RUNDC3A: variants seen among roughly 807,000 people sequenced by gnomAD.
RUNDC3A encodes the protein RUN domain-containing protein 3A.
A neutral mutation model predicts 53.9 loss-of-function variants in RUNDC3A; 28 were observed. The observed-to-expected ratio is 0.52, with a 90% CI of 0.38 to 0.71. The LOEUF is 0.71. RUNDC3A is among the 30% of genes least tolerant of loss of function. RUNDC3A has a pLI of 0.00. For missense variants in RUNDC3A, 491 were observed against 597.3 expected (o/e 0.82, Z 1.85); for synonymous variants, 232 against 249.4 (o/e 0.93, Z 0.66).
rs373038832 is a variant in RUNDC3A at position 44,315,016 on chromosome 17, G to A, written c.629+7G>A. 3.1e-6 allele frequency: 5 copies of A among 1,613,694 alleles called. No homozygotes were observed. The Admixed American group carries it at 5.0e-5, about 16-fold the overall frequency. ...ACCTAAAGTTCACGCAGAGGTGAGCGGCTCCATGACTGCGGCGGGGCGGGG... is the reference window on the plus strand; with the variant it reads ...ACCTAAAGTTCACGCAGAGGTGAGCAGCTCCATGACTGCGGCGGGGCGGGG... On this transcript the variant is annotated splice_region_variant and intron_variant, in intron 6 of 10. Coordinates refer to ENST00000426726, the MANE Select transcript of RUNDC3A (RefSeq NM_001144825.2). The surrounding 1 kb of genome is among the most constrained non-coding windows in gnomAD (Gnocchi z 6.1).
intron 9 of RUNDC3A, 36 bp downstream of exon 9, chr17:44,316,558 C>A (rs1228045841): frequency 6.3e-7 from 1 of 1,594,702 alleles, no homozygotes; most frequent in Non-Finnish European, 8.5e-7. Flanking sequence ...GGCCTGAGAG[C>A]GGGTCGTCCT....
chr17:44,314,128 C>T, intron 4 of RUNDC3A: 1 of 993,268 alleles, frequency 1.0e-6, no homozygotes, highest in Non-Finnish European at 1.2e-6. Flanking sequence ...TGATCTACAA[C>T]ACAGCCCTTC....
At chr17:44,317,394 C>A (rs1000737370) in intron 10 of RUNDC3A, 1 of 771,312 alleles carries the variant, frequency 1.3e-6, no homozygotes, top group African/African-American at 1.7e-5. Flanking sequence ...CACAAACTCT[C>A]GGGGAACTCC....
rs117224935 is a variant in RUNDC3A at position 44,317,920 on chromosome 17, C to T, written c.1199-176C>T. On this transcript the variant is annotated intron_variant, in intron 10 of 10. Coordinates refer to ENST00000426726, the MANE Select transcript of RUNDC3A (RefSeq NM_001144825.2). The stretch of plus-strand genomic sequence containing the variant: ...CGATTACAATACAGTGTCCCCAGCA[C>T]GGTGCCTGGCACAGGCAGGTGCTTA... 7.8e-3 allele frequency: 4,828 copies of T among 622,946 alleles called. 50 individuals are homozygous for T. The highest frequency in any genetic ancestry group is 8.3e-3 in the Non-Finnish European group (2,901 of 351,488). 38.6% of individuals were successfully genotyped at this position (622,946 alleles called of 1,614,324 possible).
rs1188086827 is a variant in RUNDC3A at position 44,313,423 on chromosome 17, G to A, written c.378G>A (p.Arg126=). 1.2e-6 allele frequency: 2 copies of A among 1,613,824 alleles called. No individual in the cohort carries two copies. The highest frequency in any genetic ancestry group is 1.7e-6 in the Non-Finnish European group (2 of 1,179,874). The change falls in exon 4 of 11, where the codon CGG becomes CGA. Residue 126 remains arginine, a synonymous_variant. Transcript: ENST00000426726. ...ENISTARAKG[R]AWIRVALMEK... ...AAGGTGAACATGATTTCCAGGGCCG[G>A]GCATGGATCCGGGTGGCACTGATGG...
intron 10 of RUNDC3A, chr17:44,317,842 A>T: frequency 1.7e-6 from 1 of 592,376 alleles, no homozygotes; most frequent in Non-Finnish European, 3.0e-6. Context: ...TGTATTTAAT[A>T]AATGGACAAA....
At chr17:44,310,716 A>T in intron 1 of RUNDC3A, 1 of 985,414 alleles carries the variant, frequency 1.0e-6, no homozygotes, top group Non-Finnish European at 1.2e-6. Context: ...CAGGGAGCAC[A>T]CCACAGGGCT....
Position 44,318,153 on chromosome 17 carries a change from G to C in RUNDC3A, c.1256G>C (p.Ser419Thr). ...GLCGSLASIP[S>T]CKSLASFKSN... ...TGCGGCTCCCTGGCCTCCATTCCCA[G>C]CTGCAAGTCCCTGGCGAGCTTCAAA... is the stretch of plus-strand genomic sequence containing the variant. Residue 419 changes from serine (S) to threonine (T), a missense_variant, in exon 11 of 11, where the codon AGC becomes ACC. Ser to Thr is a moderately conservative substitution (Grantham distance 58, BLOSUM62 1). Around this residue, in one of 2 missense-constraint regions of RUNDC3A, gnomAD observed 218 missense variants for 208.2 expected, o/e 1.05. Transcript: ENST00000426726. 6.4e-7 allele frequency: 1 copy of C among 1,551,542 alleles called. No homozygotes were observed. The highest frequency in any genetic ancestry group is 8.7e-7 in the Non-Finnish European group (1 of 1,146,988).
At chr17:44,314,520 G>A (rs1377546296) in intron 4 of RUNDC3A, 1 of 1,421,868 alleles carries the variant, frequency 7.0e-7, no homozygotes, top group Non-Finnish European at 9.2e-7. Flanking sequence ...TCAGAGGGAG[G>A]AGTCGGCTCA....
At position 44,312,792 on chromosome 17, in the gene RUNDC3A, C is replaced by T. The variant is rs528129315; in HGVS notation, c.223+97C>T. 2.3e-5 allele frequency: 14 copies of T among 604,960 alleles called. No homozygotes were observed. In the South Asian group the frequency reaches 2.7e-4, roughly 12 times the overall value. 37.5% of individuals were successfully genotyped at this position (604,960 alleles called of 1,614,324 possible). A position where few individuals can be genotyped will look rare whatever the true frequency, so the allele number is the denominator to read the frequency against. ...CCCTCCCCCAGCGGTCCCTCCCCAA[C>T]TCCCAACCTTTAGCTCCCAGCCACC... is the stretch of plus-strand genomic sequence containing the variant. On this transcript the variant is annotated intron_variant, in intron 2 of 10. Transcript: ENST00000426726.
At chr17:44,310,648 C>T in intron 1 of RUNDC3A, 1 of 963,740 alleles carries the variant, frequency 1.0e-6, no homozygotes, top group Non-Finnish European at 1.2e-6. Flanking sequence ...CATGGGCTCC[C>T]CTGGGCCCTG....
At chr17:44,317,660 C>A in intron 10 of RUNDC3A, 1 of 675,628 alleles carries the variant, frequency 1.5e-6, no homozygotes. Context: ...TTGGATGACC[C>A]TAGATCTTCT....
chr17:44,314,673 C>G (rs968709118), intron 4 of RUNDC3A, 62 bp from the exon 5 acceptor site: 50 of 601,164 alleles, frequency 8.3e-5, no homozygotes, highest in Non-Finnish European at 6.8e-5. Flanking sequence ...AATAGCAGCT[C>G]TGGGGGGGGG....
intron 1 of RUNDC3A, 51 bp from the exon 2 acceptor site, chr17:44,312,529 T>G: frequency 9.5e-7 from 1 of 1,047,294 alleles, no homozygotes; most frequent in Non-Finnish European, 1.4e-6. Context: ...CTCCATCACC[T>G]GTTTCCTCAC....
chr17:44,311,228 C>A, intron 1 of RUNDC3A: 1 of 985,564 alleles, frequency 1.0e-6, no homozygotes, highest in Non-Finnish European at 1.2e-6. Context: ...GGCCTGAGAG[C>A]CTCAGAGGTC....
At position 44,315,606 on chromosome 17, in the gene RUNDC3A, AG is replaced by A; in HGVS notation, c.951del (p.Gln317HisfsTer2). ...GGCGTGATCCTGGAGCTGCAGGAGC[AG>A]CTGTGAGCGCACGGCCTGCCCTAAC... ...LEGVILELQEQLTGLIPSDHA... is the reference protein window; with the variant it reads ...LEGVILELQEXLTGLIPSDHA... On this transcript the variant is annotated frameshift_variant and splice_region_variant, in exon 8 of 11. Transcript: ENST00000426726. LOFTEE classifies it high-confidence loss of function. This position sits in a 1 kb window ranked among gnomAD's most constrained non-coding sequence, Gnocchi z 6.1. 6.8e-7 allele frequency: 1 copy of A among 1,480,726 alleles called. No individual in the cohort carries two copies. The highest frequency in any genetic ancestry group is 9.0e-7 in the Non-Finnish European group (1 of 1,112,136). 91.7% of individuals were successfully genotyped at this position (1,480,726 alleles called of 1,614,324 possible).
At chr17:44,309,733 A>T (rs1360391421) in intron 1 of RUNDC3A, among the ~76,000 whole-genome samples, 2 of 152,080 alleles carry the variant, frequency 1.3e-5, no homozygotes, top group Non-Finnish European at 2.9e-5. Flanking sequence ...ATCCCCTGTC[A>T]GCTGCAACCT....
chr17:44,313,959 C>A, intron 4 of RUNDC3A: 1 of 991,958 alleles, frequency 1.0e-6, no homozygotes, highest in Non-Finnish European at 1.2e-6. Flanking sequence ...CATGAGCCAC[C>A]GCTCCTGGCC....
intron 1 of RUNDC3A, chr17:44,309,943 G>A (rs1012185745): frequency 6.5e-6 from 1 of 153,078 alleles, no homozygotes; most frequent in African/African-American, 2.4e-5. Context: ...CCGGTTCCTG[G>A]GCACGCACTC....
Sources: allele counts gnomAD v4.1 joint callset (sites outside exome capture counted in the v4.1 genomes callset), GRCh38; gene constraint gnomAD v4.1.1; regional missense constraint gnomAD v4.1.1; non-coding constraint Gnocchi (gnomAD v3.1); transcripts MANE v1.5; gene names NCBI Gene and HGNC (gene_info 2026-07-23, HGNC 2026-07-21).